CYP7B1: variants seen among roughly 807,000 people sequenced by gnomAD.
The protein encoded by CYP7B1 is cytochrome P450 family 7 subfamily B member 1, also known as cytochrome P450 7B1.
CYP7B1 carries 29 observed loss-of-function variants against 42.7 expected under a neutral mutation model. The ratio of observed to expected loss-of-function variants is 0.68; its 90% CI spans 0.51 to 0.93. The LOEUF is 0.93. CYP7B1 is among the 40% of genes least tolerant of loss of function. CYP7B1 has a pLI of 0.00. For missense variants in CYP7B1, 655 were observed against 600.5 expected, an observed-to-expected ratio of 1.09 and a Z score of -0.95; for synonymous variants, 235 against 218.2, an observed-to-expected ratio of 1.08 and a Z score of -0.68.
chr8:64,771,307 G>A (rs1041307902), intron 1 of CYP7B1, among the ~76,000 whole-genome samples: 86 of 151,668 alleles, frequency 5.7e-4, no homozygotes, highest in African/African-American at 1.9e-3. Context: ...TGATCCGCCC[G>A]CCTCGGCCTC....
At chr8:64,643,146 C>CATATATATACACATATAT (rs373876032) in intron 1 of CYP7B1, among the ~76,000 whole-genome samples, 4 of 28,042 alleles carry the variant, frequency 1.4e-4, no homozygotes, top group African/African-American at 4.5e-4. Flanking sequence ...TACATATATA[C>CATATATATACACATATAT]ATATATACAT....
intron 1 of CYP7B1, among the ~76,000 whole-genome samples, chr8:64,679,782 T>G (rs903489165): frequency 6.6e-6 from 1 of 152,204 alleles, no homozygotes; most frequent in Non-Finnish European, 1.5e-5. Flanking sequence ...TTGGTGTGTT[T>G]GAAGATAAGT....
intron 1 of CYP7B1, among the ~76,000 whole-genome samples, chr8:64,635,293 A>T: frequency 6.6e-6 from 1 of 152,252 alleles, no homozygotes; most frequent in Admixed American, 6.5e-5. Context: ...CTTAACCTTC[A>T]TTTTTTCCCC....
intron 1 of CYP7B1, among the ~76,000 whole-genome samples, chr8:64,645,975 G>C (rs1310942607): frequency 1.3e-5 from 2 of 152,214 alleles, no homozygotes; most frequent in African/African-American, 4.8e-5. Context: ...ATAAATGGTG[G>C]TGGGAAAACT....
At chr8:64,635,333 G>T (rs1462071908) in intron 1 of CYP7B1, among the ~76,000 whole-genome samples, 1 of 152,142 alleles carries the variant, frequency 6.6e-6, no homozygotes, top group African/African-American at 2.4e-5. Flanking sequence ...TCTACTGGTG[G>T]TATGTGATTG....
chr8:64,779,822 G>C (rs532960195), intron 1 of CYP7B1, among the ~76,000 whole-genome samples: 4 of 152,144 alleles, frequency 2.6e-5, no homozygotes, highest in Non-Finnish European at 5.9e-5. Flanking sequence ...ACCAAAAACA[G>C]GCGCAGCCCT....
intron 1 of CYP7B1, among the ~76,000 whole-genome samples, chr8:64,763,207 G>A (rs569182734): frequency 2.8e-4 from 43 of 152,272 alleles, no homozygotes; most frequent in African/African-American, 1.0e-3. Context: ...CTAAAGGCTC[G>A]CCATTGTTCC....
intron 1 of CYP7B1, among the ~76,000 whole-genome samples, chr8:64,701,257 T>A (rs1360187063): frequency 1.3e-5 from 2 of 152,032 alleles, no homozygotes; most frequent in African/African-American, 4.8e-5. Context: ...AACCCAGTTC[T>A]CATCTCTTCC....
chr8:64,614,831 T>C (rs1805409552), intron 4 of CYP7B1, among the ~76,000 whole-genome samples, 195 bp downstream of exon 4: 1 of 152,190 alleles, frequency 6.6e-6, no homozygotes, highest in African/African-American at 2.4e-5. Flanking sequence ...CACAGTTAAT[T>C]ACCTAGGCCT....
rs1034285849 is a variant in CYP7B1, at chr8:64,590,905, A to G, written c.*5737T>C. Among the ~76,000 whole-genome samples the G allele has an allele frequency of 2.6e-5, 4 of 152,170 alleles. No homozygotes were observed. The highest frequency in any genetic ancestry group is 9.6e-5 in the African/African-American group (4 of 41,464). On this transcript the variant is annotated 3_prime_UTR_variant, in exon 6 of 6. Transcript: ENST00000310193. ...TGTTGTACATAAAAGAACATTAAGT[A>G]TTAGACTTGCAAAGCACTTGCATTT...
intron 1 of CYP7B1, among the ~76,000 whole-genome samples, chr8:64,683,104 G>T (rs1306654458): frequency 1.3e-5 from 2 of 152,166 alleles, no homozygotes; most frequent in African/African-American, 2.4e-5. Context: ...TCCCTTTGCT[G>T]CATGATCACA....
rs374120706 is a variant in CYP7B1, at chr8:64,595,111, T to C, written c.*1531A>G. ...AGAACGGGCAATATCTTCAAAGTGC[T>C]GTGAGGAAATAACTGTCAATCTAGA... On this transcript the variant is annotated 3_prime_UTR_variant, in exon 6 of 6. Coordinates refer to ENST00000310193, the MANE Select transcript of CYP7B1 (RefSeq NM_004820.5). Among the ~76,000 whole-genome samples, 8 of 152,324 alleles carry C rather than the reference T, an allele frequency of 5.3e-5. No individual in the cohort carries two copies. In the South Asian group the frequency reaches 6.2e-4, roughly 12 times the overall value.
Position 64,671,000 on chromosome 8 carries a change from G to C in CYP7B1, c.123-46461C>G, listed in dbSNP as rs76724321. On this transcript the variant is annotated intron_variant, in intron 1 of 5. Coordinates refer to ENST00000310193, the MANE Select transcript of CYP7B1 (RefSeq NM_004820.5). ...CACCTGGGTCATAGACACAAGGAGA[G>C]CAGGATCATAGCTTGTAAGGTCTAT... 3.8e-3 allele frequency among the ~76,000 whole-genome samples: 578 copies of C among 152,236 alleles called. 4 individuals carry two copies. Among genetic ancestry groups the C allele is most frequent in the African/African-American group, 0.013 (541 of 41,534 alleles).
At chr8:64,755,071 ATAAAT>A (rs1333310814) in intron 1 of CYP7B1, among the ~76,000 whole-genome samples, 1 of 152,154 alleles carries the variant, frequency 6.6e-6, no homozygotes, top group Non-Finnish European at 1.5e-5. Context: ...CAGAGGGGAA[ATAAAT>A]TGGCAAATCA....
chr8:64,737,018 A>G (rs1281327011), intron 1 of CYP7B1, among the ~76,000 whole-genome samples: 1 of 152,230 alleles, frequency 6.6e-6, no homozygotes, highest in African/African-American at 2.4e-5. Flanking sequence ...TAAATTAATG[A>G]GACAGAAAAC....
At chr8:64,628,837 A>AATAATATATAATATATAATATATATAT (rs1805646087) in intron 1 of CYP7B1, among the ~76,000 whole-genome samples, 1 of 152,184 alleles carries the variant, frequency 6.6e-6, no homozygotes, top group African/African-American at 2.4e-5. Flanking sequence ...AATTTCCCAT[A>AATAATATATAATATATAATATATATAT]ATATTTGAAG....
intron 1 of CYP7B1, among the ~76,000 whole-genome samples, chr8:64,689,345 C>T (rs1806704059): frequency 6.6e-6 from 1 of 152,194 alleles, no homozygotes; most frequent in African/African-American, 2.4e-5. Flanking sequence ...GATCCTACTT[C>T]AATGGCAGGC....
intron 1 of CYP7B1, among the ~76,000 whole-genome samples, chr8:64,783,393 C>CA (rs1039479526): frequency 1.3e-5 from 2 of 151,998 alleles, no homozygotes; most frequent in African/African-American, 2.4e-5. Flanking sequence ...TCTCAGAACT[C>CA]AAAAAAATCA....
At chr8:64,645,149 C>G (rs1029411178) in intron 1 of CYP7B1, among the ~76,000 whole-genome samples, 164 of 150,522 alleles carry the variant, frequency 1.1e-3, no homozygotes, top group Middle Eastern at 3.2e-3. Flanking sequence ...TTTTCTTAAT[C>G]CAGTCTATCA....
Sources: allele counts gnomAD v4.1 joint callset (sites outside exome capture counted in the v4.1 genomes callset), GRCh38; gene constraint gnomAD v4.1.1; transcripts MANE v1.5; gene names NCBI Gene and HGNC (gene_info 2026-07-23, HGNC 2026-07-21).